The following RXYLT1 variants were observed in gnomAD, a reference collection of about 807,000 sequenced individuals.
RXYLT1 encodes ribitol-5-phosphate xylosyltransferase 1.
RXYLT1 carries 41 observed loss-of-function variants against 43.5 expected under a neutral mutation model. The observed-to-expected ratio is 0.94, with a 90% CI of 0.73 to 1.22. The LOEUF (loss-of-function observed/expected upper bound fraction) is 1.22, where lower values mean the gene tolerates loss of function less well. Among genes scored for constraint, RXYLT1 ranks in the 50% most tolerant of loss-of-function variants. The pLI is 0.00. For synonymous variants in RXYLT1, 166 were observed against 194.4 expected (o/e 0.85, Z 1.21); for missense variants, 514 against 532.0 (o/e 0.97, Z 0.33).
chr12:63,803,504 A>G (rs1404142383), intron 4 of RXYLT1, among the ~76,000 whole-genome samples: 1 of 152,044 alleles, frequency 6.6e-6, no homozygotes, highest in Non-Finnish European at 1.5e-5. Flanking sequence ...TGGTTGCGGG[A>G]TGTGGCCTTA....
At chr12:63,786,862 C>A (rs1389039146) in intron 3 of RXYLT1, among the ~76,000 whole-genome samples, 1 of 152,132 alleles carries the variant, frequency 6.6e-6, no homozygotes, top group African/African-American at 2.4e-5. Flanking sequence ...GCCTGTAATC[C>A]CAGTACTTTG....
chr12:63,784,354 G>A (rs138600203), intron 2 of RXYLT1, among the ~76,000 whole-genome samples: 82 of 152,270 alleles, frequency 5.4e-4, no homozygotes, highest in African/African-American at 1.9e-3. Context: ...GTGCCTCATT[G>A]AGTAACACTG....
At chr12:63,780,715 T>G (rs915737106) in intron 1 of RXYLT1, among the ~76,000 whole-genome samples, 1 of 152,218 alleles carries the variant, frequency 6.6e-6, no homozygotes, top group Non-Finnish European at 1.5e-5. Flanking sequence ...TTGCAAAAGT[T>G]AAGCTTGTAA....
chr12:63,783,659 C>T (rs1897736663), intron 2 of RXYLT1, among the ~76,000 whole-genome samples: 1 of 152,184 alleles, frequency 6.6e-6, no homozygotes, highest in Non-Finnish European at 1.5e-5. Flanking sequence ...CCTCACAGTT[C>T]TCTCAGCCTT....
chr12:63,791,763 GT>G (rs772508633), intron 3 of RXYLT1, among the ~76,000 whole-genome samples: 1 of 152,212 alleles, frequency 6.6e-6, no homozygotes, highest in Non-Finnish European at 1.5e-5. Flanking sequence ...GCGCCAAACA[GT>G]TCTATACACT....
chr12:63,805,068 A>C, intron 4 of RXYLT1, 166 bp from the exon 5 acceptor site: 2 of 466,194 alleles, frequency 4.3e-6, no homozygotes, highest in Non-Finnish European at 7.2e-6. Flanking sequence ...TTAAGTCAGT[A>C]GATTCAGGGA....
intron 4 of RXYLT1, 104 bp from the exon 5 acceptor site, chr12:63,805,130 T>A (rs543849207): frequency 1.3e-6 from 1 of 791,212 alleles, no homozygotes; most frequent in East Asian, 3.0e-5. Context: ...GAAATCACAT[T>A]TTAAACCTCT....
chr12:63,808,021 CT>C (rs1424076968), intron 5 of RXYLT1: 1 of 152,870 alleles, frequency 6.5e-6, no homozygotes, highest in South Asian at 2.1e-4. Flanking sequence ...ACCATTCAGA[CT>C]TTATCTTCTG....
chr12:63,794,900 A>T (rs2136227366), intron 3 of RXYLT1, among the ~76,000 whole-genome samples: 1 of 152,364 alleles, frequency 6.6e-6, no homozygotes, highest in Non-Finnish European at 1.5e-5. Context: ...GCAAGATCTT[A>T]TGATAACCTC....
intron 3 of RXYLT1, among the ~76,000 whole-genome samples, chr12:63,796,745 A>C (rs947602096): frequency 6.6e-6 from 1 of 152,172 alleles, no homozygotes; most frequent in Non-Finnish European, 1.5e-5. Flanking sequence ...CATAAAAAAC[A>C]ACCAAGAAAA....
chr12:63,799,097 T>C (rs1347077673), intron 3 of RXYLT1, among the ~76,000 whole-genome samples: 1 of 152,152 alleles, frequency 6.6e-6, no homozygotes, highest in Middle Eastern at 3.2e-3. Context: ...GCTTTCACCA[T>C]TACCAAAACA....
intron 2 of RXYLT1, among the ~76,000 whole-genome samples, chr12:63,784,337 C>T (rs1314374034): frequency 1.3e-5 from 2 of 152,134 alleles, no homozygotes; most frequent in Non-Finnish European, 2.9e-5. Context: ...GGTGTATGGT[C>T]TCCATAGTGC....
chr12:63,780,587 C>T (rs769444894), intron 1 of RXYLT1: 9 of 863,064 alleles, frequency 1.0e-5, no homozygotes, highest in Non-Finnish European at 1.3e-5. Flanking sequence ...AGATCAGACT[C>T]GGCTTTCTCT....
chr12:63,787,484 C>T lies in RXYLT1; in HGVS notation c.428+2412C>T, dbSNP rs547454017. Among the ~76,000 whole-genome samples, 9 of 152,300 alleles carry T rather than the reference C, an allele frequency of 5.9e-5. No individual in the cohort carries two copies. The East Asian group carries it at 9.6e-4, about 16-fold the overall frequency. On this transcript the variant is annotated intron_variant, in intron 3 of 5. Coordinates refer to ENST00000261234, the MANE Select transcript of RXYLT1 (RefSeq NM_014254.3). ...CCTTTTAATGTTGATGTTTTGACCT[C>T]GTCCCATGAATCATGAATGTTCATG... is the stretch of plus-strand genomic sequence containing the variant.
At chr12:63,798,024 G>A (rs144026782) in intron 3 of RXYLT1, among the ~76,000 whole-genome samples, 12 of 152,258 alleles carry the variant, frequency 7.9e-5, no homozygotes, top group Admixed American at 4.6e-4. Flanking sequence ...TACAGAAATA[G>A]CAAATCTGTC....
rs61935924 is a variant in RXYLT1 at position 63,780,027 on chromosome 12, G to A, written c.67G>A (p.Ala23Thr). 155,787 of 1,609,046 alleles carry A rather than the reference G, an allele frequency of 0.097. 8,262 individuals carry two copies. Among genetic ancestry groups the A allele is most frequent in the Middle Eastern group, 0.13 (764 of 6,036 alleles). ...IALYCLFSLY[A>T]AYHVFFGRRR... is the part of the protein sequence containing the mutation. ...CCTGTACTGCCTATTCTCCCTCTAC[G>A]CTGCCTACCACGTCTTCTTCGGGCG... Residue 23 changes from alanine (A) to threonine (T), a missense_variant, in exon 1 of 6, where the codon GCT (alanine) becomes ACT (threonine). Coordinates refer to ENST00000261234, the MANE Select transcript of RXYLT1 (RefSeq NM_014254.3).
intron 1 of RXYLT1, 95 bp downstream of exon 1, chr12:63,780,224 C>A: frequency 2.2e-6 from 3 of 1,389,270 alleles, no homozygotes; most frequent in Non-Finnish European, 1.8e-6. Context: ...CTCTCAAGTC[C>A]GGGATTACCC....
intron 5 of RXYLT1, chr12:63,807,945 C>G (rs1312516363): frequency 6.6e-6 from 1 of 152,466 alleles, no homozygotes; most frequent in Non-Finnish European, 1.5e-5. Context: ...CAGATTGATT[C>G]TGATGAAACC....
intron 4 of RXYLT1, chr12:63,804,486 G>C (rs1186782348): frequency 6.6e-6 from 1 of 151,642 alleles, no homozygotes; most frequent in Non-Finnish European, 1.5e-5. Flanking sequence ...AAAGCCCTTG[G>C]GATTAATTTT....
Sources: allele counts gnomAD v4.1 joint callset (sites outside exome capture counted in the v4.1 genomes callset), GRCh38; gene constraint gnomAD v4.1.1; transcripts MANE v1.5; gene names NCBI Gene and HGNC (gene_info 2026-07-23, HGNC 2026-07-21).